NRP1: variants seen among roughly 807,000 people sequenced by gnomAD.
NRP1 encodes the protein neuropilin-1.
NRP1 carries 35 observed loss-of-function variants against 106.7 expected under a neutral mutation model. That is an observed-to-expected ratio of 0.33 (90% CI 0.25 to 0.43). The LOEUF is 0.43. Among genes scored for constraint, NRP1 ranks in the 20% least tolerant of loss-of-function variants. The pLI, the probability that NRP1 is intolerant of heterozygous loss-of-function variation, is 1.00. For synonymous variants in NRP1, 437 were observed against 417.9 expected (o/e 1.05, Z -0.56); for missense variants, 1,024 against 1,170.4 (o/e 0.87, Z 1.83).
chr10:33,230,276 A>G (rs1840003602), intron 6 of NRP1, among the ~76,000 whole-genome samples: 1 of 152,212 alleles, frequency 6.6e-6, no homozygotes, highest in Non-Finnish European at 1.5e-5. Context: ...TGTCTGTGTC[A>G]GGAGACCTAG....
intron 8 of NRP1, among the ~76,000 whole-genome samples, chr10:33,217,911 A>G (rs933678356): frequency 2.3e-4 from 35 of 152,248 alleles, no homozygotes; most frequent in African/African-American, 5.1e-4. Flanking sequence ...GTATACTGGT[A>G]AATCAAATAT....
intron 2 of NRP1, among the ~76,000 whole-genome samples, chr10:33,294,113 C>T (rs1845202475): frequency 6.6e-6 from 1 of 152,142 alleles, no homozygotes; most frequent in Admixed American, 6.5e-5. Flanking sequence ...AAATAACATG[C>T]TGATCGCTTA....
chr10:33,213,481 C>T lies in NRP1; in HGVS notation c.1519G>A (p.Glu507Lys), dbSNP rs1276594573. The T allele has an allele frequency of 6.2e-7, 1 of 1,614,108 alleles. No homozygotes were observed. The highest frequency in any genetic ancestry group is 8.5e-7 in the Non-Finnish European group (1 of 1,180,014). The part of the protein sequence containing the change: ...GIIIQGGKHR[E>K]NKVFMRKFKI... ...AACTTCCTCATGAACACCTTGTTCT[C>T]TCGGTGCTTCCCACCCTGAATGATG... Residue 507 changes from glutamate to lysine, a missense_variant, in exon 9 of 17, where the codon GAG (glutamate) becomes AAG (lysine). Around this residue, in one of 5 missense-constraint regions of NRP1, gnomAD observed 562 missense variants for 620.3 expected, o/e 0.91. Transcript: ENST00000374867.
At chr10:33,302,784 C>A (rs565020855) in intron 2 of NRP1, among the ~76,000 whole-genome samples, 44 of 152,308 alleles carry the variant, frequency 2.9e-4, no homozygotes, top group African/African-American at 9.9e-4. Context: ...AGAGCCCCAG[C>A]AACCTTGAGG....
intron 2 of NRP1, among the ~76,000 whole-genome samples, chr10:33,319,919 C>T (rs1211730684): frequency 6.6e-6 from 1 of 151,950 alleles, no homozygotes; most frequent in Non-Finnish European, 1.5e-5. Flanking sequence ...CTGTAACTCT[C>T]ACTGCGAAAG....
intron 2 of NRP1, among the ~76,000 whole-genome samples, chr10:33,308,186 A>T (rs1846304553): frequency 6.6e-6 from 1 of 152,066 alleles, no homozygotes; most frequent in African/African-American, 2.4e-5. Flanking sequence ...GGGCGCAAAG[A>T]ACAACAGATA....
At position 33,185,553 on chromosome 10, in the gene NRP1, A is replaced by G. The variant is rs974650246; in HGVS notation, c.2431+75T>C. The G allele has an allele frequency of 1.5e-5, 17 of 1,163,182 alleles. No homozygotes were observed. The African/African-American group carries it at 2.3e-4, about 16-fold the overall frequency. 72.1% of individuals were successfully genotyped at this position (1,163,182 alleles called of 1,614,324 possible). On this transcript the variant is annotated intron_variant, in intron 15 of 16. Transcript: ENST00000374867. ...GAAATTCTAGGTAGAAATGAGCAAA[A>G]CAAAGACCATCATATTGGCAAGAGT...
At chr10:33,201,839 C>T (rs1837335693) in intron 11 of NRP1, 1 of 151,878 alleles carries the variant, frequency 6.6e-6, no homozygotes, top group African/African-American at 2.4e-5. Context: ...CTCTTTATTC[C>T]ATCTTAGAGT....
chr10:33,237,221 AG>A (rs1416709489), intron 6 of NRP1, among the ~76,000 whole-genome samples: 3 of 152,312 alleles, frequency 2.0e-5, no homozygotes, highest in Non-Finnish European at 2.9e-5. Flanking sequence ...ACTGTATGCC[AG>A]GATCTGGAAG....
chr10:33,197,603 GAA>G, intron 12 of NRP1, 45 bp downstream of exon 12: 4 of 1,494,464 alleles, frequency 2.7e-6, no homozygotes, highest in Non-Finnish European at 3.7e-6. Context: ...GCCGCGGAGA[GAA>G]GAGAGGTACA....
chr10:33,306,970 C>A (rs1323592001), intron 2 of NRP1, among the ~76,000 whole-genome samples: 3 of 152,258 alleles, frequency 2.0e-5, no homozygotes, highest in African/African-American at 7.2e-5. Context: ...AGAGCTACAG[C>A]TGCCTGACAG....
At chr10:33,212,913 C>T (rs184049751) in intron 9 of NRP1, 7 of 310,210 alleles carry the variant, frequency 2.3e-5, no homozygotes, top group East Asian at 1.4e-4. Flanking sequence ...TCAGACAATC[C>T]GCCCGACTCG....
At chr10:33,246,956 G>GA (rs1286651573) in intron 6 of NRP1, among the ~76,000 whole-genome samples, 1 of 151,984 alleles carries the variant, frequency 6.6e-6, no homozygotes, top group Non-Finnish European at 1.5e-5. Flanking sequence ...GCAATTTGGT[G>GA]AAAAAAATCA....
intron 4 of NRP1, among the ~76,000 whole-genome samples, chr10:33,261,210 T>A (rs1026117649): frequency 9.2e-5 from 14 of 152,170 alleles, no homozygotes; most frequent in African/African-American, 3.4e-4. Flanking sequence ...TTGTTAATTG[T>A]TCCTCGATTC....
chr10:33,316,171 A>G (rs533992082), intron 2 of NRP1, among the ~76,000 whole-genome samples: 8 of 152,326 alleles, frequency 5.3e-5, no homozygotes, highest in East Asian at 1.9e-4. Context: ...GGCTGATGCA[A>G]TCGCTCCAGG....
intron 2 of NRP1, among the ~76,000 whole-genome samples, chr10:33,322,684 G>A (rs562881901): frequency 2.6e-5 from 4 of 152,316 alleles, no homozygotes; most frequent in East Asian, 3.9e-4. Context: ...CTCTGGCCAA[G>A]TTTCAATTGA....
At chr10:33,330,393 AG>A (rs1205671351) in intron 2 of NRP1, among the ~76,000 whole-genome samples, 2 of 149,294 alleles carry the variant, frequency 1.3e-5, no homozygotes, top group East Asian at 3.9e-4. Context: ...TCCCCTCTCC[AG>A]GAAAAAAAAA....
intron 15 of NRP1, among the ~76,000 whole-genome samples, chr10:33,184,203 A>C (rs565140626): frequency 9.2e-5 from 14 of 152,102 alleles, no homozygotes; most frequent in African/African-American, 3.1e-4. Flanking sequence ...TTTAGTAGAG[A>C]TGGGGTTTTG....
chr10:33,230,597 A>G (rs911805292), intron 6 of NRP1, among the ~76,000 whole-genome samples: 43 of 144,698 alleles, frequency 3.0e-4, no homozygotes, highest in Middle Eastern at 3.5e-3. Flanking sequence ...TTTCTCATAT[A>G]TGTGTGTGTG....
Sources: gnomAD v4.1 joint callset for allele counts (sites outside exome capture counted in the v4.1 genomes callset) on GRCh38, gnomAD v4.1.1 for gene constraint, gnomAD v4.1.1 regional missense constraint, MANE v1.5 for transcripts, NCBI Gene and HGNC (gene_info 2026-07-23, HGNC 2026-07-21) for gene names.